The following CCDC92 variants were observed in gnomAD, a reference collection of about 807,000 sequenced individuals.
The protein encoded by CCDC92 is coiled-coil domain-containing protein 92.
In CCDC92, 12 loss-of-function variants were observed where a neutral mutation model predicts 24.9. That is an observed-to-expected ratio of 0.48 (90% CI 0.31 to 0.78). CCDC92 has a LOEUF of 0.78. CCDC92 is among the 30% of genes least tolerant of loss of function. The probability of loss-of-function intolerance (pLI) is 0.05; values close to 1 mark genes in which losing one functional copy is unlikely to be tolerated. For missense variants in CCDC92, 399 were observed against 439.4 expected (o/e 0.91, Z 0.82); for synonymous variants, 193 against 196.3 (o/e 0.98, Z 0.14).
intron 1 of CCDC92, chr12:123,970,082 T>C (rs1474623325): frequency 1.3e-5 from 2 of 152,176 alleles, no homozygotes; most frequent in African/African-American, 4.8e-5. Context: ...GTCTTTAATC[T>C]ACTAAAAAAT....
At chr12:123,958,341 C>T (rs1206536993) in intron 1 of CCDC92, among the ~76,000 whole-genome samples, 1 of 152,218 alleles carries the variant, frequency 6.6e-6, no homozygotes, top group South Asian at 2.1e-4. Context: ...GCATGAGCCA[C>T]CACGCCCGGC....
intron 1 of CCDC92, chr12:123,966,411 G>T (rs1221819662): frequency 6.6e-6 from 1 of 152,210 alleles, no homozygotes; most frequent in African/African-American, 2.4e-5. Context: ...CCCAATGGTA[G>T]GACATTCCAT....
chr12:123,944,355 C>A lies in CCDC92; in HGVS notation c.-50G>T. 1 of 1,455,754 alleles carries A rather than the reference C, an allele frequency of 6.9e-7. No homozygotes were observed. Among genetic ancestry groups the A allele is most frequent in the Non-Finnish European group, 9.2e-7 (1 of 1,091,878 alleles). 90.2% of individuals were successfully genotyped at this position (1,455,754 alleles called of 1,614,324 possible). On this transcript the variant is annotated 5_prime_UTR_variant, in exon 2 of 5. Transcript: ENST00000238156. ...AGTAATTCAAGACGCTTGTACAGCACTGAAAAATACTGAGGATGAAATGTG... is the reference window on the plus strand; with the variant it reads ...AGTAATTCAAGACGCTTGTACAGCAATGAAAAATACTGAGGATGAAATGTG...
At chr12:123,952,195 T>C (rs1956043445) in intron 1 of CCDC92, among the ~76,000 whole-genome samples, 1 of 152,246 alleles carries the variant, frequency 6.6e-6, no homozygotes, top group Non-Finnish European at 1.5e-5. Context: ...AATACTTCTA[T>C]AAATATACCT....
At chr12:123,941,773 T>C (rs1955693039) in intron 4 of CCDC92, among the ~76,000 whole-genome samples, 1 of 152,204 alleles carries the variant, frequency 6.6e-6, no homozygotes, top group Admixed American at 6.5e-5. Flanking sequence ...CTTCCTCTTT[T>C]CTTTGTCCTC....
intron 1 of CCDC92, among the ~76,000 whole-genome samples, chr12:123,965,064 G>T (rs1956360087): frequency 6.6e-6 from 1 of 151,844 alleles, no homozygotes; most frequent in African/African-American, 2.4e-5. Flanking sequence ...TTGAATACTG[G>T]GTCTTTTTTT....
Position 123,935,925 on chromosome 12 carries a change from G to C in CCDC92, c.*1133C>G, listed in dbSNP as rs187059547. The C allele has an allele frequency of 3.9e-5, 6 of 154,850 alleles. No individual in the cohort carries two copies. Among genetic ancestry groups the C allele is most frequent in the Admixed American group, 3.8e-4 (6 of 15,586 alleles). 9.6% of individuals were successfully genotyped at this position (154,850 alleles called of 1,614,324 possible). On this transcript the variant is annotated 3_prime_UTR_variant, in exon 5 of 5. Coordinates refer to ENST00000238156, the MANE Select transcript of CCDC92 (RefSeq NM_025140.3). The stretch of plus-strand genomic sequence containing the variant: ...ACAGAGCAGAAGTGACCAGTCACCT[G>C]GAGCCACTTCTCCCCCTTCCAGAAC...
chr12:123,968,310 T>C (rs1956440514), intron 1 of CCDC92: 1 of 152,232 alleles, frequency 6.6e-6, no homozygotes, highest in Admixed American at 6.5e-5. Flanking sequence ...TGTGGAAATT[T>C]GCATGTAAAC....
At chr12:123,951,731 C>T (rs1268736308) in intron 1 of CCDC92, among the ~76,000 whole-genome samples, 1 of 152,240 alleles carries the variant, frequency 6.6e-6, no homozygotes, top group Admixed American at 6.5e-5. Context: ...ACTTTCTGTA[C>T]CGCTCTGGTG....
chr12:123,964,003 G>A (rs534526146), intron 1 of CCDC92, among the ~76,000 whole-genome samples: 27 of 152,220 alleles, frequency 1.8e-4, no homozygotes, highest in Non-Finnish European at 2.8e-4. Context: ...CTTTCCAGGC[G>A]GGAGAAATGA....
At position 123,965,138 on chromosome 12, in the gene CCDC92, A is replaced by G. The variant is rs762924452; in HGVS notation, c.-60+7391T>C. ...ATCAATTGACGTATTAGGACACCTG[A>G]TATGTTTGATAACATTTGAAAACTA... On this transcript the variant is annotated intron_variant, in intron 1 of 4. Transcript: ENST00000238156. 1.6e-4 allele frequency among the ~76,000 whole-genome samples: 25 copies of G among 152,226 alleles called. 1 individual carries two copies. The highest frequency in any genetic ancestry group is 2.0e-4 in the Admixed American group (3 of 15,284).
At chr12:123,948,189 A>G (rs1435096645) in intron 1 of CCDC92, among the ~76,000 whole-genome samples, 1 of 152,248 alleles carries the variant, frequency 6.6e-6, no homozygotes, top group Non-Finnish European at 1.5e-5. Context: ...ACCCGCCATG[A>G]TGGCACAAAA....
In CCDC92 at chr12:123,937,883, G is replaced by C; in HGVS notation, c.224-53C>G. 1.3e-6 allele frequency: 2 copies of C among 1,536,666 alleles called. No homozygotes were observed. Among genetic ancestry groups the C allele is most frequent in the Non-Finnish European group, 1.8e-6 (2 of 1,142,444 alleles). On this transcript the variant is annotated intron_variant, in intron 4 of 4. Transcript: ENST00000238156. This position sits in a 1 kb window ranked among gnomAD's most constrained non-coding sequence, Gnocchi z 8.4. ...GAAGAACTCATTAGACTGAGGCCGA[G>C]TGGTGAGGCCTATGGGGCAGGCGGA...
chr12:123,943,666 G>C, intron 2 of CCDC92, 173 bp from the exon 3 acceptor site: 1 of 696,930 alleles, frequency 1.4e-6, no homozygotes, highest in East Asian at 2.7e-5. Flanking sequence ...ATCACTGCAG[G>C]GAGGCCCCAG....
chr12:123,957,731 G>A (rs1469816985), intron 1 of CCDC92, among the ~76,000 whole-genome samples: 1 of 144,278 alleles, frequency 6.9e-6, no homozygotes, highest in African/African-American at 2.6e-5. Context: ...TTTGAGATGG[G>A]GGGGTCTCGC....
Position 123,961,015 on chromosome 12 carries a change from GTGTACTC to G in CCDC92, c.-60+11507_-60+11513del, listed in dbSNP as rs1219353309. ...AGCATATGTTTCTAAAGTGCTCACT[GTGTACTC>G]AGTCCTATGCTTACAATTTACTTGG... On this transcript the variant is annotated intron_variant, in intron 1 of 4. Coordinates refer to ENST00000238156, the MANE Select transcript of CCDC92 (RefSeq NM_025140.3). The G allele has an allele frequency of 2.0e-5, 3 of 152,358 alleles. No homozygotes were observed. In the East Asian group the frequency reaches 5.8e-4, roughly 29 times the overall value. 9.4% of individuals were successfully genotyped at this position (152,358 alleles called of 1,614,324 possible). A position where few individuals can be genotyped will look rare whatever the true frequency, so the allele number is the denominator to read the frequency against.
intron 1 of CCDC92, among the ~76,000 whole-genome samples, chr12:123,962,069 G>A (rs11833002): frequency 0.37 from 56,049 of 151,956 alleles, 11,028 homozygotes; most frequent in African/African-American, 0.5. Context: ...TTCTTTCCCC[G>A]TATTTTAAGC....
chr12:123,944,137 C>G lies in CCDC92; in HGVS notation c.34+135G>C, dbSNP rs560507184. The G allele has an allele frequency of 7.4e-6, 5 of 676,660 alleles. No individual in the cohort carries two copies. The Admixed American group carries it at 8.0e-5, about 11-fold the overall frequency. 41.9% of individuals were successfully genotyped at this position (676,660 alleles called of 1,614,324 possible). ...ACAGCACTGAGAGGAGCCACAGATC[C>G]TTCTTGGGAAGGTCTGAGAACGTAT... On this transcript the variant is annotated intron_variant, in intron 2 of 4. Transcript: ENST00000238156.
rs747976096 is a variant in CCDC92, at chr12:123,937,776, G to A, written c.278C>T (p.Ala93Val). 29 of 1,613,478 alleles carry A rather than the reference G, an allele frequency of 1.8e-5. No individual in the cohort carries two copies. Among genetic ancestry groups the A allele is most frequent in the Non-Finnish European group, 2.5e-5 (29 of 1,180,016 alleles). ...TTCGTTCTCTTTCACTTTCAGTTGG[G>A]CTTCCAGCTCTTCACATCTTTTCTT... ...ELKKRCEELE[A>V]QLKVKENENA... The change falls in exon 5 of 5, where the codon GCC (alanine) becomes GTC (valine). Residue 93 changes from alanine (A) to valine (V), a missense_variant. Coordinates refer to ENST00000238156, the MANE Select transcript of CCDC92 (RefSeq NM_025140.3). This position sits in a 1 kb window ranked among gnomAD's most constrained non-coding sequence, Gnocchi z 8.4.
Sources: gnomAD v4.1 joint callset for allele counts (sites outside exome capture counted in the v4.1 genomes callset) on GRCh38, gnomAD v4.1.1 for gene constraint, Gnocchi (gnomAD v3.1) non-coding constraint, MANE v1.5 for transcripts, NCBI Gene and HGNC (gene_info 2026-07-23, HGNC 2026-07-21) for gene names.